Variants in RXFP2 observed in about 807,000 individuals in gnomAD.
RXFP2 encodes relaxin receptor 2.
RXFP2 carries 68 observed loss-of-function variants against 88.6 expected under a neutral mutation model. The ratio of observed to expected loss-of-function variants is 0.77; its 90% CI spans 0.63 to 0.94. The LOEUF is 0.94. Ranked by LOEUF, RXFP2 falls within the 40% of genes least tolerant of loss-of-function variation. RXFP2 has a pLI of 0.00. For synonymous variants in RXFP2, 329 were observed against 306.8 expected, an observed-to-expected ratio of 1.07 and a Z score of -0.76; for missense variants, 791 against 893.9, an observed-to-expected ratio of 0.88 and a Z score of 1.47.
At chr13:31,782,589 T>C in intron 10 of RXFP2, 87 bp from the exon 11 acceptor site, 2 of 969,846 alleles carry the variant, frequency 2.1e-6, no homozygotes, top group South Asian at 1.3e-5. Flanking sequence ...CTTATAAAAT[T>C]CTGCCTGGAT....
chr13:31,776,309 G>A (rs1410474564), intron 7 of RXFP2, among the ~76,000 whole-genome samples: 2 of 127,666 alleles, frequency 1.6e-5, no homozygotes, highest in Non-Finnish European at 3.1e-5. Context: ...AGGCTGGAGT[G>A]CACTGGTACA....
chr13:31,767,686 C>T (rs1192588578), intron 5 of RXFP2, among the ~76,000 whole-genome samples: 2 of 151,934 alleles, frequency 1.3e-5, no homozygotes, highest in Non-Finnish European at 2.9e-5. Context: ...AAATGACTCA[C>T]CTAAGATCTA....
At chr13:31,781,277 A>G (rs531706618) in intron 9 of RXFP2, among the ~76,000 whole-genome samples, 1 of 152,304 alleles carries the variant, frequency 6.6e-6, no homozygotes, top group East Asian at 1.9e-4. Context: ...GTGAATCACC[A>G]AAAGCCTTGG....
intron 1 of RXFP2, among the ~76,000 whole-genome samples, chr13:31,746,212 C>A (rs1370903551): frequency 6.6e-6 from 1 of 152,148 alleles, no homozygotes; most frequent in Non-Finnish European, 1.5e-5. Context: ...TTCTGATAAA[C>A]CTGTTCAATG....
At chr13:31,754,434 G>C (rs1262876703) in intron 1 of RXFP2, among the ~76,000 whole-genome samples, 1 of 152,124 alleles carries the variant, frequency 6.6e-6, no homozygotes, top group Non-Finnish European at 1.5e-5. Flanking sequence ...GGGAGGATGA[G>C]ACAGGAGAAT....
chr13:31,752,587 C>A (rs532298228), intron 1 of RXFP2, among the ~76,000 whole-genome samples: 2 of 152,264 alleles, frequency 1.3e-5, no homozygotes, highest in South Asian at 4.2e-4. Flanking sequence ...AGGCCAATTT[C>A]TCTTCGCCTA....
chr13:31,788,428 A>G (rs1382963946), intron 13 of RXFP2, among the ~76,000 whole-genome samples: 1 of 152,196 alleles, frequency 6.6e-6, no homozygotes, highest in Non-Finnish European at 1.5e-5. Context: ...AGAACATGGC[A>G]GCTCTTAATT....
chr13:31,791,945 A>G lies in RXFP2; in HGVS notation c.1285A>G (p.Thr429Ala). 6.2e-7 allele frequency: 1 copy of G among 1,614,182 alleles called. No homozygotes were observed. Among genetic ancestry groups the G allele is most frequent in the Admixed American group, 1.7e-5 (1 of 60,028 alleles). ...ATTTGTCTGGGTTATAGCTTTCATTACCTGCTTTGGAAATCTTTTTGTCAT... is the reference window on the plus strand; with the variant it reads ...ATTTGTCTGGGTTATAGCTTTCATTGCCTGCTTTGGAAATCTTTTTGTCAT... Reference protein sequence around the residue: ...RIFVWVIAFITCFGNLFVIGM... With the variant: ...RIFVWVIAFIACFGNLFVIGM... Residue 429 changes from threonine to alanine, a missense_variant, in exon 15 of 18, where the codon ACC (threonine) becomes GCC (alanine). Physicochemically the swap from Thr to Ala is moderately conservative, Grantham distance 58. Coordinates refer to ENST00000298386, the MANE Select transcript of RXFP2 (RefSeq NM_130806.5).
chr13:31,744,494 A>G (rs1871330115), intron 1 of RXFP2, among the ~76,000 whole-genome samples: 1 of 152,222 alleles, frequency 6.6e-6, no homozygotes, highest in Admixed American at 6.5e-5. Context: ...ATATCTCTCC[A>G]AAGGGTTTCT....
intron 5 of RXFP2, among the ~76,000 whole-genome samples, chr13:31,772,482 G>A (rs975760208): frequency 1.3e-5 from 2 of 152,074 alleles, no homozygotes; most frequent in Non-Finnish European, 2.9e-5. Flanking sequence ...AAAGGCATTC[G>A]GTGTAAAGTA....
rs770323137 is a variant in RXFP2 at position 31,793,026 on chromosome 13, C to T, written c.1724C>T (p.Pro575Leu). Residue 575 changes from proline to leucine, a missense_variant, in exon 16 of 18, where the codon CCA becomes CTA. Coordinates refer to ENST00000298386, the MANE Select transcript of RXFP2 (RefSeq NM_130806.5). ...NFYGKNGVCF[P>L]LYYDQTEDIG... The stretch of plus-strand genomic sequence containing the variant: ...TATGGGAAAAATGGAGTATGTTTCC[C>T]ACTTTATTATGACCAAACAGAAGAT... 1 of 1,613,498 alleles carries T rather than the reference C, an allele frequency of 6.2e-7. No individual in the cohort carries two copies. Among genetic ancestry groups the T allele is most frequent in the Non-Finnish European group, 8.5e-7 (1 of 1,179,548 alleles).
intron 1 of RXFP2, among the ~76,000 whole-genome samples, chr13:31,748,749 G>A (rs1426064273): frequency 7.2e-5 from 11 of 152,182 alleles, no homozygotes; most frequent in Admixed American, 5.2e-4. Flanking sequence ...CACTTTGGGA[G>A]GCCGAGGCGG....
intron 5 of RXFP2, among the ~76,000 whole-genome samples, chr13:31,774,325 A>G (rs558838569): frequency 3.0e-4 from 46 of 152,346 alleles, no homozygotes; most frequent in Non-Finnish European, 5.0e-4. Flanking sequence ...TCAGAACAGG[A>G]CGGTCACCAT....
intron 13 of RXFP2, among the ~76,000 whole-genome samples, chr13:31,788,493 A>T (rs949929232): frequency 1.3e-5 from 2 of 152,200 alleles, no homozygotes; most frequent in East Asian, 3.9e-4. Context: ...GCAAGCATTG[A>T]GGTCAACTAA....
intron 14 of RXFP2, 76 bp from the exon 15 acceptor site, chr13:31,791,730 G>A: frequency 1.0e-6 from 1 of 984,784 alleles, no homozygotes; most frequent in Non-Finnish European, 1.6e-6. Context: ...GCATGGAGTT[G>A]CAGCCCCGAT....
intron 9 of RXFP2, among the ~76,000 whole-genome samples, chr13:31,779,853 T>C (rs1007910376): frequency 1.3e-5 from 2 of 152,346 alleles, no homozygotes; most frequent in Non-Finnish European, 1.5e-5. Context: ...TTTATTTTTA[T>C]GTATTTATTT....
chr13:31,765,215 T>G (rs1354511085), intron 4 of RXFP2, 73 bp downstream of exon 4: 2 of 911,134 alleles, frequency 2.2e-6, no homozygotes. Context: ...CCCAATAGTG[T>G]TGCTTGTGCA....
chr13:31,746,060 A>G (rs910047348), intron 1 of RXFP2, among the ~76,000 whole-genome samples: 4 of 152,218 alleles, frequency 2.6e-5, no homozygotes, highest in African/African-American at 9.6e-5. Flanking sequence ...CGCTTCATCC[A>G]CAATACTTAC....
intron 16 of RXFP2, among the ~76,000 whole-genome samples, chr13:31,796,118 C>G (rs898371337): frequency 1.6e-5 from 2 of 124,802 alleles, no homozygotes; most frequent in African/African-American, 3.0e-5. Flanking sequence ...GGCGCAATCT[C>G]GGCTCACTGC....
Sources: allele counts gnomAD v4.1 joint callset (sites outside exome capture counted in the v4.1 genomes callset), GRCh38; gene constraint gnomAD v4.1.1; transcripts MANE v1.5; gene names NCBI Gene and HGNC (gene_info 2026-07-23, HGNC 2026-07-21).